Variants in EBF1 observed in about 807,000 individuals in gnomAD.
The protein encoded by EBF1 is EBF transcription factor 1, also known as transcription factor COE1.
Under a neutral mutation model 68.4 loss-of-function variants are expected in EBF1, and 10 were observed. The ratio of observed to expected loss-of-function variants is 0.15; its 90% confidence interval spans 0.09 to 0.25. The LOEUF is 0.25. EBF1 is among the 10% of genes least tolerant of loss of function. The pLI is 1.00. For missense variants in EBF1, 509 were observed against 794.4 expected (o/e 0.64, Z 4.32); for synonymous variants, 298 against 299.8 (o/e 0.99, Z 0.06).
chr5:158,883,361 T>C (rs191939206), intron 6 of EBF1, among the ~76,000 whole-genome samples: 43 of 129,600 alleles, frequency 3.3e-4, no homozygotes, highest in Non-Finnish European at 2.9e-4. Context: ...TATATATATA[T>C]ACACATACAT....
intron 11 of EBF1, among the ~76,000 whole-genome samples, chr5:158,719,438 C>G (rs1761471005): frequency 6.6e-6 from 1 of 152,160 alleles, no homozygotes; most frequent in Non-Finnish European, 1.5e-5. Flanking sequence ...CATATCATGA[C>G]AAATATGCAG....
chr5:159,094,263 A>G (rs1314800251), intron 4 of EBF1, among the ~76,000 whole-genome samples: 2 of 151,248 alleles, frequency 1.3e-5, no homozygotes, highest in African/African-American at 4.8e-5. Flanking sequence ...TAAAACCAAG[A>G]CCAAAAATTA....
At chr5:158,902,168 T>C (rs748856444) in intron 6 of EBF1, among the ~76,000 whole-genome samples, 2 of 152,150 alleles carry the variant, frequency 1.3e-5, no homozygotes, top group Non-Finnish European at 2.9e-5. Context: ...CTACTGAGAG[T>C]AAGAAGTGCT....
chr5:158,744,693 G>C (rs1025435308), intron 10 of EBF1, among the ~76,000 whole-genome samples: 7 of 152,150 alleles, frequency 4.6e-5, no homozygotes, highest in African/African-American at 1.4e-4. Flanking sequence ...CTTATCATAA[G>C]AGCCATACAA....
chr5:158,824,333 G>A (rs1217571368), intron 7 of EBF1, among the ~76,000 whole-genome samples: 1 of 152,190 alleles, frequency 6.6e-6, no homozygotes, highest in Non-Finnish European at 1.5e-5. Context: ...TCAGCCGCAA[G>A]CACCCTGCAG....
chr5:159,061,237 G>T (rs1394281084), intron 6 of EBF1, among the ~76,000 whole-genome samples: 1 of 152,080 alleles, frequency 6.6e-6, no homozygotes, highest in Non-Finnish European at 1.5e-5. Context: ...CCTGAGCAAA[G>T]GCTTTGTGTA....
chr5:158,731,164 T>G lies in EBF1; in HGVS notation c.1037-7A>C, dbSNP rs532751199. ...ATGGTGGGTTCGTTGAGCGCTGCAA[T>G]AAAGAAGTCACACAATTAGTACATT... On this transcript the variant is annotated splice_region_variant and splice_polypyrimidine_tract_variant and intron_variant, in intron 10 of 15. Coordinates refer to ENST00000313708, the MANE Select transcript of EBF1 (RefSeq NM_024007.5). 6.2e-7 allele frequency: 1 copy of G among 1,613,360 alleles called. No individual in the cohort carries two copies. Among genetic ancestry groups the G allele is most frequent in the African/African-American group, 1.3e-5 (1 of 75,032 alleles).
At chr5:158,840,654 T>G (rs1562086178) in intron 6 of EBF1, among the ~76,000 whole-genome samples, 3 of 92,406 alleles carry the variant, frequency 3.2e-5, no homozygotes, top group Admixed American at 1.1e-4. Flanking sequence ...TGTTTTTTTT[T>G]TTTTTTTTTT....
intron 10 of EBF1, among the ~76,000 whole-genome samples, chr5:158,767,724 GAAC>G (rs755431185): frequency 6.6e-6 from 1 of 152,048 alleles, no homozygotes; most frequent in Non-Finnish European, 1.5e-5. Flanking sequence ...GAATAGGAGA[GAAC>G]AACAGGAGAA....
At chr5:158,925,129 G>T (rs1809376523) in intron 6 of EBF1, among the ~76,000 whole-genome samples, 1 of 152,018 alleles carries the variant, frequency 6.6e-6, no homozygotes, top group South Asian at 2.1e-4. Context: ...CAAAATCAAT[G>T]CATTCACCAG....
intron 6 of EBF1, among the ~76,000 whole-genome samples, chr5:159,029,401 T>C (rs543065300): frequency 3.6e-4 from 55 of 152,308 alleles, no homozygotes; most frequent in African/African-American, 1.3e-3. Context: ...GTAATTCTTC[T>C]GAGATTTATC....
intron 10 of EBF1, among the ~76,000 whole-genome samples, chr5:158,758,237 G>C (rs1412901782): frequency 1.3e-5 from 2 of 152,156 alleles, no homozygotes; most frequent in Non-Finnish European, 2.9e-5. Context: ...ACATCTACTG[G>C]GTACTGCTGA....
chr5:159,052,973 C>T lies in EBF1; in HGVS notation c.554+20423G>A, dbSNP rs73303996. 9.0e-3 allele frequency among the ~76,000 whole-genome samples: 1,364 copies of T among 152,258 alleles called. 19 individuals are homozygous for T. Among genetic ancestry groups the T allele is most frequent in the African/African-American group, 0.03 (1,243 of 41,518 alleles). ...TTTAAAAAGTCTGGGGCACCTCTGA[C>T]CATGTTTGAAGGAAGCCCAGGGGAG... On this transcript the variant is annotated intron_variant, in intron 6 of 15. Transcript: ENST00000313708.
intron 6 of EBF1, among the ~76,000 whole-genome samples, chr5:158,946,019 T>A (rs1281775610): frequency 6.6e-6 from 1 of 152,206 alleles, no homozygotes. Context: ...CGTGCTGTGT[T>A]TTTCAGCTCC....
intron 6 of EBF1, among the ~76,000 whole-genome samples, chr5:159,021,091 T>C (rs1182475087): frequency 1.3e-5 from 2 of 152,244 alleles, no homozygotes; most frequent in Non-Finnish European, 2.9e-5. Context: ...TGTTCATTAT[T>C]CGAGCTCAGT....
chr5:159,073,353 A>C (rs765810750), intron 6 of EBF1, 43 bp downstream of exon 6: 1 of 1,600,090 alleles, frequency 6.2e-7, no homozygotes, highest in Non-Finnish European at 8.6e-7. Flanking sequence ...GTGTTTCATT[A>C]TAATGAGGAA....
intron 10 of EBF1, among the ~76,000 whole-genome samples, chr5:158,760,633 G>A (rs1357984433): frequency 1.3e-5 from 2 of 152,118 alleles, no homozygotes; most frequent in Non-Finnish European, 2.9e-5. Context: ...CAAGGCGATA[G>A]TATCTAAGAA....
Position 159,077,745 on chromosome 5 carries a change from C to CTTTTT in EBF1, c.486-4286_486-4282dup, listed in dbSNP as rs58717165. Among the ~76,000 whole-genome samples the CTTTTT allele has an allele frequency of 4.2e-4, 34 of 80,620 alleles. 1 individual carries two copies. The highest frequency in any genetic ancestry group is 5.1e-4 in the Non-Finnish European group (21 of 41,260). The allele number at this position is 80,620 out of a possible 152,430, so 52.9% of individuals were successfully genotyped here. On this transcript the variant is annotated intron_variant, in intron 5 of 15. Coordinates refer to ENST00000313708, the MANE Select transcript of EBF1 (RefSeq NM_024007.5). ...ATTTTTATATTTTTGCAGTGGTTTG[C>CTTTTT]TTTTTTTTTTTTTTTTTTTTTTGCA...
chr5:158,885,793 G>A (rs566663927), intron 6 of EBF1, among the ~76,000 whole-genome samples: 8 of 152,322 alleles, frequency 5.3e-5, no homozygotes, highest in East Asian at 1.9e-4. Flanking sequence ...GCCAAGCACC[G>A]AAGGCTATGT....
Sources: allele counts gnomAD v4.1 joint callset (sites outside exome capture counted in the v4.1 genomes callset), GRCh38; gene constraint gnomAD v4.1.1; transcripts MANE v1.5; gene names NCBI Gene and HGNC (gene_info 2026-07-23, HGNC 2026-07-21).